Variants in PIGG observed in about 807,000 individuals in gnomAD.
PIGG encodes the protein GPI ethanolamine phosphate transferase 2, catalytic subunit.
In PIGG, 70 loss-of-function variants were observed where a neutral mutation model predicts 83.2. The observed-to-expected ratio is 0.84, with a 90% CI of 0.69 to 1.03. The LOEUF (loss-of-function observed/expected upper bound fraction) is 1.03, where lower values mean the gene tolerates loss of function less well. Ranked by LOEUF, PIGG falls within the 50% of genes least tolerant of loss-of-function variation. The pLI, the probability that PIGG is intolerant of heterozygous loss-of-function variation, is 0.00. For synonymous variants in PIGG, 532 were observed against 519.5 expected (o/e 1.02, Z -0.33); for missense variants, 1,257 against 1,233.6 (o/e 1.02, Z -0.28).
At chr4:519,995 T>C (rs1429369193) in intron 6 of PIGG, among the ~76,000 whole-genome samples, 3 of 149,838 alleles carry the variant, frequency 2.0e-5, no homozygotes, top group Admixed American at 1.3e-4. Flanking sequence ...GGCGTGTGGG[T>C]TCACGCTCAG....
At chr4:536,507 G>C (rs531220452) in intron 12 of PIGG, among the ~76,000 whole-genome samples, 1 of 152,254 alleles carries the variant, frequency 6.6e-6, no homozygotes, top group Non-Finnish European at 1.5e-5. Context: ...CACCCACTGT[G>C]GCGGCGCTGT....
chr4:518,244 G>C (rs1383054533), intron 6 of PIGG, among the ~76,000 whole-genome samples: 1 of 152,232 alleles, frequency 6.6e-6, no homozygotes, highest in Non-Finnish European at 1.5e-5. Context: ...GGTAGCTTTT[G>C]CATATTGCTT....
At chr4:521,580 G>A (rs977263603) in intron 7 of PIGG, 80 bp from the exon 8 acceptor site, 6 of 1,348,798 alleles carry the variant, frequency 4.4e-6, no homozygotes, top group South Asian at 2.6e-5. Flanking sequence ...CAGCTGACAC[G>A]AGAGCGGGAG....
intron 12 of PIGG, among the ~76,000 whole-genome samples, chr4:534,195 C>T (rs1729797540): frequency 6.6e-6 from 1 of 152,006 alleles, no homozygotes; most frequent in South Asian, 2.1e-4. Flanking sequence ...TCTGACGGGG[C>T]CTCGCCGGGC....
intron 2 of PIGG, chr4:502,184 G>A (rs1553876294): frequency 2.0e-5 from 3 of 152,264 alleles, no homozygotes; most frequent in African/African-American, 4.8e-5. Context: ...ATTCAGACCA[G>A]TCCGTTGGCA....
At chr4:520,430 G>A (rs1725442422) in intron 6 of PIGG, among the ~76,000 whole-genome samples, 1 of 152,210 alleles carries the variant, frequency 6.6e-6, no homozygotes. Context: ...CAGAGGCAGG[G>A]CATCCATGCG....
At chr4:507,231 T>G (rs2108799694) in intron 3 of PIGG, among the ~76,000 whole-genome samples, 174 bp from the exon 4 acceptor site, 1 of 152,368 alleles carries the variant, frequency 6.6e-6, no homozygotes, top group South Asian at 2.1e-4. Context: ...TGAGCTGCTG[T>G]GTCCAGCCTA....
intron 5 of PIGG, among the ~76,000 whole-genome samples, chr4:512,671 C>T (rs1167906274): frequency 6.6e-6 from 1 of 151,678 alleles, no homozygotes; most frequent in Non-Finnish European, 1.5e-5. Context: ...AAAAATTAGC[C>T]AGATGTGGTG....
At chr4:524,515 A>C in intron 9 of PIGG, 1 of 152,448 alleles carries the variant, frequency 6.6e-6, no homozygotes, top group East Asian at 1.9e-4. Flanking sequence ...GAGAGGGATG[A>C]GGAGGGTGTC....
Position 528,189 on chromosome 4 carries a change from G to A in PIGG, c.2261+959G>A. ...TTTTCACAGAACAGAGAAGCATGTT[G>A]TGGAACAGGTATGACCCCAGCTTAC... On this transcript the variant is annotated intron_variant, in intron 10 of 12. Coordinates refer to ENST00000453061, the MANE Select transcript of PIGG (RefSeq NM_001127178.3). The surrounding 1 kb of genome is among the most constrained non-coding windows in gnomAD (Gnocchi z 4.8). The A allele has an allele frequency of 7.1e-6, 7 of 985,172 alleles. No homozygotes were observed. The highest frequency in any genetic ancestry group is 7.2e-6 in the Non-Finnish European group (6 of 829,832). 61.0% of individuals were successfully genotyped at this position (985,172 alleles called of 1,614,324 possible). A position where few individuals can be genotyped will look rare whatever the true frequency, so the allele number is the denominator to read the frequency against.
intron 10 of PIGG, chr4:527,937 A>C: frequency 4.1e-6 from 4 of 985,344 alleles, no homozygotes; most frequent in Non-Finnish European, 4.8e-6. Context: ...ATATAAGCAG[A>C]GGCAGGAGCC....
intron 8 of PIGG, 76 bp downstream of exon 8, chr4:522,017 C>T (rs763955345): frequency 9.3e-6 from 14 of 1,508,262 alleles, no homozygotes; most frequent in South Asian, 3.4e-5. Context: ...GGCTGCCTTT[C>T]GTTTACCAGA....
rs1335136699 is a variant in PIGG at position 512,820 on chromosome 4, GTAA to G, written c.902-3136_902-3134del. 7.2e-4 allele frequency among the ~76,000 whole-genome samples: 109 copies of G among 151,854 alleles called. 1 individual carries two copies. The highest frequency in any genetic ancestry group is 2.4e-3 in the African/African-American group (101 of 41,446). On this transcript the variant is annotated intron_variant, in intron 5 of 12. Transcript: ENST00000453061. ...CGGAGTGAGACTCCATCTAAAAATA[GTAA>G]TAATAATAATAATAATTTTTATCTC...
At chr4:510,815 A>G (rs928302095) in intron 5 of PIGG, among the ~76,000 whole-genome samples, 3 of 152,106 alleles carry the variant, frequency 2.0e-5, no homozygotes, top group East Asian at 1.9e-4. Context: ...ACTCTTCTGC[A>G]GCCACCTTCC....
rs782126872 is a variant in PIGG, at chr4:499,455, C to G, written c.120C>G (p.His40Gln). The change falls in exon 1 of 13, where the codon CAC (histidine) becomes CAG (glutamine). Residue 40 changes from histidine to glutamine, a missense_variant. By Grantham distance (24) the His-to-Gln change is conservative. Transcript: ENST00000453061. ...APVRSSARAEHGAEPPAPEPS... is the reference protein window; with the variant it reads ...APVRSSARAEQGAEPPAPEPS... ...TTCGTTCCTCTGCCAGAGCGGAACA[C>G]GGAGCGGAGCCCCCAGCGCCCGAAC... 1.0e-5 allele frequency: 16 copies of G among 1,602,772 alleles called. No individual in the cohort carries two copies. The African/African-American group carries it at 2.0e-4, about 20-fold the overall frequency.
chr4:501,135 T>C (rs1292617084), intron 2 of PIGG: 1 of 456,280 alleles, frequency 2.2e-6, no homozygotes, highest in Non-Finnish European at 4.4e-6. Context: ...TTGAAGTACA[T>C]AGTGCATTTC....
rs115587092 is a variant in PIGG, at chr4:505,203, C to T, written c.361-515C>T. ...TTGCCGTCGTCTCGCTATCCCTAGC[C>T]GCCTCCTTTAACCTCTTGTCAGCTG... On this transcript the variant is annotated intron_variant, in intron 2 of 12. Coordinates refer to ENST00000453061, the MANE Select transcript of PIGG (RefSeq NM_001127178.3). Among the ~76,000 whole-genome samples, 621 of 152,172 alleles carry T rather than the reference C, an allele frequency of 4.1e-3. 3 individuals carry two copies. The highest frequency in any genetic ancestry group is 0.013 in the African/African-American group (552 of 41,506).
intron 5 of PIGG, among the ~76,000 whole-genome samples, chr4:514,181 G>T (rs111230572): frequency 1.3e-5 from 2 of 152,070 alleles, no homozygotes; most frequent in African/African-American, 2.4e-5. Context: ...TCTTTCATCC[G>T]TGCCCACACT....
At chr4:519,428 G>A (rs1360394774) in intron 6 of PIGG, among the ~76,000 whole-genome samples, 5 of 152,178 alleles carry the variant, frequency 3.3e-5, no homozygotes, top group African/African-American at 7.2e-5. Flanking sequence ...GGACACAGGC[G>A]TCCCCCCATC....
Sources: allele counts gnomAD v4.1 joint callset (sites outside exome capture counted in the v4.1 genomes callset), GRCh38; gene constraint gnomAD v4.1.1; non-coding constraint Gnocchi (gnomAD v3.1); transcripts MANE v1.5; gene names NCBI Gene and HGNC (gene_info 2026-07-23, HGNC 2026-07-21).